The following SLF2 variants were observed in gnomAD, a reference collection of about 807,000 sequenced individuals.
SLF2 encodes the protein SMC5/6 complex localization factor 2.
In SLF2, 68 loss-of-function variants were observed where a neutral mutation model predicts 124.3. That is an observed-to-expected ratio of 0.55 (90% CI 0.45 to 0.67). SLF2 has a LOEUF of 0.67. Among genes scored for constraint, SLF2 ranks in the 30% least tolerant of loss-of-function variants. SLF2 has a pLI of 0.00. For synonymous variants in SLF2, 480 were observed against 478.8 expected (o/e 1.00, Z -0.03); for missense variants, 1,246 against 1,373.7 (o/e 0.91, Z 1.47).
chr10:100,944,934 G>A (rs1306387135), intron 12 of SLF2, among the ~76,000 whole-genome samples: 1 of 152,172 alleles, frequency 6.6e-6, no homozygotes, highest in Non-Finnish European at 1.5e-5. Context: ...GGAGGCTGAG[G>A]CGGGAGAATC....
chr10:100,922,441 C>A (rs960372576), intron 4 of SLF2, among the ~76,000 whole-genome samples: 2 of 152,122 alleles, frequency 1.3e-5, no homozygotes, highest in African/African-American at 4.8e-5. Flanking sequence ...CACCTGAGCT[C>A]ACGAACTCCC....
chr10:100,931,604 T>C (rs1849737519), intron 9 of SLF2, among the ~76,000 whole-genome samples: 1 of 152,202 alleles, frequency 6.6e-6, no homozygotes, highest in Admixed American at 6.5e-5. Context: ...ACTTTTTAAA[T>C]ATCAGTGGTA....
intron 4 of SLF2, among the ~76,000 whole-genome samples, chr10:100,921,691 G>A (rs1361899243): frequency 6.6e-6 from 1 of 152,146 alleles, no homozygotes; most frequent in Non-Finnish European, 1.5e-5. Flanking sequence ...TAATGCCTGA[G>A]CAAAGCAGGA....
In SLF2 at chr10:100,920,565, T is replaced by C. The variant is rs544149212; in HGVS notation, c.973+2124T>C. ...AATATACATTTATACTTCAATTGAC[T>C]AACATCAACAGAATTTCAACATGTA... is the stretch of plus-strand genomic sequence containing the variant. On this transcript the variant is annotated intron_variant, in intron 4 of 19. Transcript: ENST00000238961. 4.6e-5 allele frequency among the ~76,000 whole-genome samples: 7 copies of C among 152,336 alleles called. No individual in the cohort carries two copies. In the South Asian group the frequency reaches 1.2e-3, roughly 27 times the overall value.
At chr10:100,932,001 A>G (rs1318240606) in intron 9 of SLF2, among the ~76,000 whole-genome samples, 1 of 152,118 alleles carries the variant, frequency 6.6e-6, no homozygotes, top group Non-Finnish European at 1.5e-5. Flanking sequence ...CAAAAAAAAA[A>G]AAGACATTTA....
At chr10:100,918,528 A>G in intron 4 of SLF2, 87 bp downstream of exon 4, 1 of 833,100 alleles carries the variant, frequency 1.2e-6, no homozygotes, top group South Asian at 1.6e-5. Flanking sequence ...TTAAATATGC[A>G]GTTCCCTTCT....
Position 100,945,435 on chromosome 10 carries a change from CA to C in SLF2, c.2864del (p.Gln955ArgfsTer4). 2 of 1,598,288 alleles carry C rather than the reference CA, an allele frequency of 1.3e-6. No homozygotes were observed. Among genetic ancestry groups the C allele is most frequent in the Non-Finnish European group, 1.7e-6 (2 of 1,176,624 alleles). On this transcript the variant is annotated frameshift_variant, in exon 13 of 20. Transcript: ENST00000238961. LOFTEE classifies it high-confidence loss of function. ...AATGAGTTTGGAAAAACAGCTGAAA[CA>C]GATTCCTTTAGTAGACTTTCAAAGC... is the stretch of plus-strand genomic sequence containing the variant. ...FKMSLEKQLK[Q>X]IPLVDFQSLL... is the part of the protein sequence containing the mutation.
At chr10:100,931,144 C>G in intron 9 of SLF2, 66 bp downstream of exon 9, 1 of 1,296,542 alleles carries the variant, frequency 7.7e-7, no homozygotes, top group Non-Finnish European at 1.1e-6. Flanking sequence ...AGCTTTTAAA[C>G]ATAATTTTAT....
At chr10:100,948,876 ACT>A (rs1850158435) in intron 15 of SLF2, among the ~76,000 whole-genome samples, 2 of 151,880 alleles carry the variant, frequency 1.3e-5, no homozygotes, top group Admixed American at 6.6e-5. Flanking sequence ...ACAGAGCGAG[ACT>A]CTGTCTCAAA....
At chr10:100,916,143 G>A in intron 2 of SLF2, 101 bp downstream of exon 2, 1 of 848,870 alleles carries the variant, frequency 1.2e-6, no homozygotes, top group Non-Finnish European at 1.8e-6. Flanking sequence ...AGTAAACGTA[G>A]TGTTCAAAAT....
chr10:100,948,450 G>A (rs1343760935), intron 15 of SLF2, among the ~76,000 whole-genome samples: 4 of 151,918 alleles, frequency 2.6e-5, no homozygotes, highest in Non-Finnish European at 5.9e-5. Flanking sequence ...AAGCAACATA[G>A]GGAGACCTTG....
intron 9 of SLF2, among the ~76,000 whole-genome samples, chr10:100,936,427 G>A (rs749702290): frequency 5.9e-5 from 9 of 151,886 alleles, no homozygotes; most frequent in South Asian, 4.1e-4. Context: ...TCTGCCTCCC[G>A]GGTTCACACC....
In SLF2 at chr10:100,924,567, G is replaced by A; in HGVS notation, c.1566G>A (p.Lys522=). 1 of 1,614,064 alleles carries A rather than the reference G, an allele frequency of 6.2e-7. No individual in the cohort carries two copies. The highest frequency in any genetic ancestry group is 1.7e-5 in the Admixed American group (1 of 60,022). ...ATTCTACAGAATCCACCAAACACAA[G>A]GAACACAAAGCAAAGACTAATAAGG... ...SGHSTESTKH[K]EHKAKTNKAD... Residue 522 remains lysine (K), a synonymous_variant, in exon 5 of 20, where the codon AAG becomes AAA. Coordinates refer to ENST00000238961, the MANE Select transcript of SLF2 (RefSeq NM_018121.4).
In SLF2 at chr10:100,924,562, C is replaced by A. The variant is rs753201009; in HGVS notation, c.1561C>A (p.His521Asn). 4 of 1,614,086 alleles carry A rather than the reference C, an allele frequency of 2.5e-6. No individual in the cohort carries two copies. Among genetic ancestry groups the A allele is most frequent in the Admixed American group, 3.3e-5 (2 of 60,024 alleles). Residue 521 changes from histidine to asparagine, a missense_variant, in exon 5 of 20, where the codon CAC (histidine) becomes AAC (asparagine). Physicochemically the swap from His to Asn is moderately conservative, Grantham distance 68. Transcript: ENST00000238961. ...CSGHSTESTK[H>N]KEHKAKTNKA... ...TGGGCATTCTACAGAATCCACCAAACACAAGGAACACAAAGCAAAGACTAA... is the reference window on the plus strand; with the variant it reads ...TGGGCATTCTACAGAATCCACCAAAAACAAGGAACACAAAGCAAAGACTAA...
chr10:100,920,235 T>C (rs995578264), intron 4 of SLF2, among the ~76,000 whole-genome samples: 2 of 152,226 alleles, frequency 1.3e-5, no homozygotes, highest in African/African-American at 4.8e-5. Flanking sequence ...GAACAAAATA[T>C]TATTTTATAT....
intron 9 of SLF2, among the ~76,000 whole-genome samples, chr10:100,932,692 AGTGTGTGTGTGTGTGTGT>A (rs111530755): frequency 7.5e-6 from 1 of 133,540 alleles, no homozygotes; most frequent in African/African-American, 2.6e-5. Context: ...ACAAACAATA[AGTGTGTGTGTGTGTGTGT>A]GTGTGTGTGT....
At chr10:100,957,597 G>A (rs1297825028) in intron 18 of SLF2, among the ~76,000 whole-genome samples, 6 of 150,748 alleles carry the variant, frequency 4.0e-5, no homozygotes, top group Non-Finnish European at 7.4e-5. Context: ...CTGACCTCGT[G>A]ATCTGCCTGC....
intron 18 of SLF2, 142 bp from the exon 19 acceptor site, chr10:100,959,286 A>G: frequency 1.5e-6 from 1 of 649,746 alleles, no homozygotes; most frequent in Non-Finnish European, 2.5e-6. Context: ...TGAGTAGTTT[A>G]TTTTCTCTTT....
At position 100,929,317 on chromosome 10, in the gene SLF2, G is replaced by C; in HGVS notation, c.2043G>C (p.Arg681Ser). ...RLVKEMEDTQRLDELQKQLQE... is the reference protein window; with the variant it reads ...RLVKEMEDTQSLDELQKQLQE... ...TTATAACATTCTTTCCAATTCTCAG[G>C]CTAGATGAACTGCAGAAGCAACTAC... The change falls in exon 7 of 20, where the codon AGG becomes AGC. Residue 681 changes from arginine to serine, a missense_variant and splice_region_variant. By Grantham distance (110) the Arg-to-Ser change is moderately radical. Around this residue, in one of 3 missense-constraint regions of SLF2, gnomAD observed 535 missense variants for 632.8 expected, o/e 0.85. Coordinates refer to ENST00000238961, the MANE Select transcript of SLF2 (RefSeq NM_018121.4). 6.2e-7 allele frequency: 1 copy of C among 1,607,390 alleles called. No homozygotes were observed. Among genetic ancestry groups the C allele is most frequent in the Admixed American group, 1.7e-5 (1 of 58,228 alleles).
Sources: allele counts gnomAD v4.1 joint callset (sites outside exome capture counted in the v4.1 genomes callset), GRCh38; gene constraint gnomAD v4.1.1; regional missense constraint gnomAD v4.1.1; transcripts MANE v1.5; gene names NCBI Gene and HGNC (gene_info 2026-07-23, HGNC 2026-07-21).